The following PIK3C2G variants were observed in gnomAD, a reference collection of about 807,000 sequenced individuals.
PIK3C2G encodes the protein phosphatidylinositol-4-phosphate 3-kinase catalytic subunit type 2 gamma, also known as phosphatidylinositol 3-kinase C2 domain-containing subunit gamma.
PIK3C2G carries 168 observed loss-of-function variants against 181.1 expected under a neutral mutation model. That is an observed-to-expected ratio of 0.93 (90% CI 0.82 to 1.05). The LOEUF is 1.05. PIK3C2G is among the 50% of genes least tolerant of loss of function. The pLI, the probability that PIK3C2G is intolerant of heterozygous loss-of-function variation, is 0.00. For synonymous variants in PIK3C2G, 573 were observed against 592.2 expected, an observed-to-expected ratio of 0.97 and a Z score of 0.47; for missense variants, 1,869 against 1,732.8, an observed-to-expected ratio of 1.08 and a Z score of -1.40.
intron 10 of PIK3C2G, among the ~76,000 whole-genome samples, chr12:18,346,340 G>A (rs2137660212): frequency 1.3e-5 from 2 of 152,162 alleles, no homozygotes; most frequent in South Asian, 4.1e-4. Flanking sequence ...AAAAATTATT[G>A]CAAATTACAG....
intron 31 of PIK3C2G, among the ~76,000 whole-genome samples, chr12:18,631,978 C>G (rs1949370795): frequency 2.0e-5 from 3 of 151,900 alleles, no homozygotes; most frequent in Non-Finnish European, 2.9e-5. Context: ...CCACTGGGGT[C>G]AGTTTTGTAT....
intron 31 of PIK3C2G, among the ~76,000 whole-genome samples, chr12:18,627,762 G>A (rs1949168353): frequency 6.6e-6 from 1 of 152,180 alleles, no homozygotes; most frequent in African/African-American, 2.4e-5. Context: ...CAGGCACATA[G>A]ATGAGAAAAT....
intron 16 of PIK3C2G, among the ~76,000 whole-genome samples, chr12:18,410,546 G>T (rs1372376781): frequency 6.6e-6 from 1 of 151,364 alleles, no homozygotes; most frequent in Non-Finnish European, 1.5e-5. Flanking sequence ...TTTCAGATTA[G>T]GATCCATTGG....
chr12:18,509,050 TTTTTA>T (rs1942038053), intron 24 of PIK3C2G, among the ~76,000 whole-genome samples: 1 of 152,122 alleles, frequency 6.6e-6, no homozygotes, highest in Non-Finnish European at 1.5e-5. Context: ...TGCTTTTTTA[TTTTTA>T]TTTATTTATT....
chr12:18,381,642 C>A, intron 13 of PIK3C2G, 124 bp from the exon 14 acceptor site: 1 of 587,208 alleles, frequency 1.7e-6, no homozygotes, highest in South Asian at 2.3e-5. Context: ...TCTTTTCTAG[C>A]AACTGAATAA....
intron 18 of PIK3C2G, among the ~76,000 whole-genome samples, chr12:18,425,320 T>C (rs1945733728): frequency 2.6e-5 from 4 of 151,994 alleles, no homozygotes; most frequent in Admixed American, 2.6e-4. Context: ...TTTTGGTTTG[T>C]TTTGTGTTTT....
the PIK3C2G span, chr12:18,705,272 G>A: frequency 6.2e-7 from 1 of 1,614,064 alleles, no homozygotes; most frequent in South Asian, 1.1e-5. Context: ...TTGGGCAGTG[G>A]AGCAGTGATT....
At chr12:18,298,565 T>C (rs1442171461) in intron 5 of PIK3C2G, among the ~76,000 whole-genome samples, 1 of 151,956 alleles carries the variant, frequency 6.6e-6, no homozygotes, top group African/African-American at 2.4e-5. Flanking sequence ...GTCCTATTTG[T>C]GTATTTTTGT....
intron 5 of PIK3C2G, among the ~76,000 whole-genome samples, chr12:18,301,929 T>G (rs1346564048): frequency 6.6e-6 from 1 of 152,234 alleles, no homozygotes; most frequent in Non-Finnish European, 1.5e-5. Context: ...GCATTCTTTC[T>G]AGGCAAATAC....
At chr12:18,431,959 A>G (rs1946183812) in intron 18 of PIK3C2G, among the ~76,000 whole-genome samples, 2 of 152,218 alleles carry the variant, frequency 1.3e-5, no homozygotes, top group African/African-American at 4.8e-5. Flanking sequence ...AAAGAGGCAG[A>G]TAGTGGTAAC....
intron 29 of PIK3C2G, among the ~76,000 whole-genome samples, chr12:18,572,509 T>G (rs994215708): frequency 1.5e-4 from 23 of 151,442 alleles, no homozygotes; most frequent in Admixed American, 7.2e-4. Context: ...TATAATCTGC[T>G]GATACATATC....
intron 2 of PIK3C2G, 83 bp downstream of exon 2, chr12:18,282,842 T>A (rs1047440459): frequency 2.1e-6 from 2 of 941,338 alleles, no homozygotes; most frequent in Admixed American, 2.7e-5. Context: ...GTAATGAAGA[T>A]AACTAAACTT....
At chr12:18,667,602 T>C in the PIK3C2G span, among the ~76,000 whole-genome samples, 5 of 152,154 alleles carry the variant, frequency 3.3e-5, no homozygotes, top group Admixed American at 6.6e-5. Flanking sequence ...TTGTCACCAA[T>C]TTTCTGTAGT....
chr12:18,726,363 A>T, the PIK3C2G span, among the ~76,000 whole-genome samples: 1 of 152,156 alleles, frequency 6.6e-6, no homozygotes, highest in Non-Finnish European at 1.5e-5. Flanking sequence ...TTCTTTGCAA[A>T]GCATTACAAA....
chr12:18,303,134 C>CTTTCTTTCTTTCTTTCT (rs1018775688), intron 5 of PIK3C2G, among the ~76,000 whole-genome samples: 3 of 142,790 alleles, frequency 2.1e-5, no homozygotes, highest in East Asian at 2.0e-4. Flanking sequence ...TTCTTTCTTT[C>CTTTCTTTCTTTCTTTCT]TTTCTTTTCT....
At chr12:18,433,663 T>A (rs1016999130) in intron 18 of PIK3C2G, among the ~76,000 whole-genome samples, 1 of 152,260 alleles carries the variant, frequency 6.6e-6, no homozygotes, top group Non-Finnish European at 1.5e-5. Context: ...ACCTATTTCA[T>A]AAAACCAAGA....
intron 14 of PIK3C2G, among the ~76,000 whole-genome samples, chr12:18,386,347 T>C (rs1290263008): frequency 6.6e-6 from 1 of 152,218 alleles, no homozygotes; most frequent in Non-Finnish European, 1.5e-5. Context: ...CAGTAGTTTT[T>C]AGTATTTTCA....
At chr12:18,299,810 A>G (rs1161147622) in intron 5 of PIK3C2G, among the ~76,000 whole-genome samples, 2 of 151,834 alleles carry the variant, frequency 1.3e-5, no homozygotes, top group African/African-American at 2.4e-5. Flanking sequence ...TTTATTCTTC[A>G]TTCTGTGGTC....
intron 13 of PIK3C2G, among the ~76,000 whole-genome samples, chr12:18,373,811 C>G (rs1942243467): frequency 1.3e-5 from 2 of 151,954 alleles, no homozygotes; most frequent in African/African-American, 4.8e-5. Context: ...CAAATTGGTG[C>G]CACTGCACTC....
Sources: allele counts gnomAD v4.1 joint callset (sites outside exome capture counted in the v4.1 genomes callset), GRCh38; gene constraint gnomAD v4.1.1; transcripts MANE v1.5; gene names NCBI Gene and HGNC (gene_info 2026-07-23, HGNC 2026-07-21).